Variants in USP25 observed in about 807,000 individuals in gnomAD.
The protein encoded by USP25 is ubiquitin specific peptidase 25.
USP25 carries 85 observed loss-of-function variants against 158.5 expected under a neutral mutation model. The ratio of observed to expected loss-of-function variants is 0.54; its 90% CI spans 0.45 to 0.64. The LOEUF is 0.64. Ranked by LOEUF, USP25 falls within the 30% of genes least tolerant of loss-of-function variation. The pLI is 0.00. For missense variants in USP25, 1,242 were observed against 1,327.3 expected (o/e 0.94, Z 1.00); for synonymous variants, 464 against 460.4 (o/e 1.01, Z -0.10).
chr21:15,730,548 TC>T, intron 1 of USP25, 110 bp downstream of exon 1: 1 of 1,195,414 alleles, frequency 8.4e-7, no homozygotes. Context: ...CCGGGCTTCC[TC>T]CCCGGTCACC....
At chr21:15,829,373 C>T (rs1218509892) in intron 14 of USP25, among the ~76,000 whole-genome samples, 1 of 152,128 alleles carries the variant, frequency 6.6e-6, no homozygotes, top group East Asian at 1.9e-4. Context: ...ATTTCTGGTT[C>T]AGAGTGTGTA....
intron 7 of USP25, among the ~76,000 whole-genome samples, chr21:15,808,058 G>A (rs1012628288): frequency 2.6e-5 from 4 of 152,086 alleles, no homozygotes; most frequent in African/African-American, 9.7e-5. Context: ...AGTTTGTTTT[G>A]TATTTGGGGC....
intron 12 of USP25, among the ~76,000 whole-genome samples, chr21:15,825,262 TC>T (rs1459536895): frequency 6.6e-6 from 1 of 152,240 alleles, no homozygotes; most frequent in African/African-American, 2.4e-5. Flanking sequence ...ATTAAATATC[TC>T]ATTGTCAACA....
intron 5 of USP25, among the ~76,000 whole-genome samples, chr21:15,793,189 A>T (rs1465697876): frequency 6.6e-6 from 1 of 151,678 alleles, no homozygotes; most frequent in Non-Finnish European, 1.5e-5. Context: ...AGGGTCATTG[A>T]TTAGAAGCTT....
In USP25 at chr21:15,874,080, T is replaced by C. The variant is rs570581350; in HGVS notation, c.2886-323T>C. On this transcript the variant is annotated intron_variant, in intron 23 of 25. Coordinates refer to ENST00000400183, the MANE Select transcript of USP25 (RefSeq NM_001283041.3). Reference sequence around the variant, plus strand: ...GTTGGCTTTCACATTAGCTCCAATTTTGAGTTTAAATGGAAGACATCAGGA... The same window carrying C: ...GTTGGCTTTCACATTAGCTCCAATTCTGAGTTTAAATGGAAGACATCAGGA... Among the ~76,000 whole-genome samples the C allele has an allele frequency of 4.6e-5, 7 of 152,318 alleles. No individual in the cohort carries two copies. The East Asian group carries it at 9.6e-4, about 21-fold the overall frequency.
In USP25 at chr21:15,831,517, T is replaced by G. The variant is rs2037802276; in HGVS notation, c.1881T>G (p.Ala627=). ...GATGGATGAAGTACAATGATATTGC[T>G]GTGACAAAATCATCATGGGAAGAGC... The part of the protein sequence containing the change: ...ESRWMKYNDI[A]VTKSSWEELV... Residue 627 remains alanine, a synonymous_variant, in exon 16 of 26, where the codon GCT becomes GCG. Transcript: ENST00000400183. 10 of 1,614,082 alleles carry G rather than the reference T, an allele frequency of 6.2e-6. No individual in the cohort carries two copies. Among genetic ancestry groups the G allele is most frequent in the Non-Finnish European group, 8.5e-6 (10 of 1,179,914 alleles).
intron 20 of USP25, among the ~76,000 whole-genome samples, chr21:15,863,108 TA>T (rs2039504277): frequency 6.6e-6 from 1 of 152,054 alleles, no homozygotes; most frequent in Admixed American, 6.5e-5. Context: ...TAAATGAATA[TA>T]AAAAGCTTTA....
intron 2 of USP25, among the ~76,000 whole-genome samples, chr21:15,763,238 C>A (rs1255399216): frequency 2.0e-5 from 3 of 151,990 alleles, no homozygotes; most frequent in Non-Finnish European, 4.4e-5. Flanking sequence ...GGATGTGAAT[C>A]CTAATTCTAA....
chr21:15,768,265 G>A (rs1482729324), intron 3 of USP25, among the ~76,000 whole-genome samples: 1 of 152,070 alleles, frequency 6.6e-6, no homozygotes. Flanking sequence ...AATTGAGATA[G>A]TGTGTCCATA....
At chr21:15,731,892 C>A (rs937425997) in intron 1 of USP25, among the ~76,000 whole-genome samples, 1 of 152,134 alleles carries the variant, frequency 6.6e-6, no homozygotes, top group Non-Finnish European at 1.5e-5. Context: ...ATGTATGGTA[C>A]CATTTGTTTA....
Position 15,849,866 on chromosome 21 carries a change from C to T in USP25, c.2541C>T (p.Phe847=). 6.6e-7 allele frequency: 1 copy of T among 1,508,650 alleles called. No homozygotes were observed. The highest frequency in any genetic ancestry group is 8.9e-7 in the Non-Finnish European group (1 of 1,127,964). The allele number at this position is 1,508,650 out of a possible 1,614,324, so 93.5% of individuals were successfully genotyped here. The change falls in exon 20 of 26, where the codon TTC becomes TTT. Residue 847 remains phenylalanine, a synonymous_variant. Transcript: ENST00000400183. The part of the protein sequence containing the change: ...VYDRCGPEAG[F]FKAIKLEYAR... ...ACAGGTGTGGCCCTGAAGCAGGGTT[C>T]TTTAAGGTACAATGAACATTTTCAT...
At chr21:15,868,522 C>T (rs1436798107) in intron 22 of USP25, among the ~76,000 whole-genome samples, 2 of 152,146 alleles carry the variant, frequency 1.3e-5, no homozygotes, top group African/African-American at 4.8e-5. Flanking sequence ...CATATTCTAA[C>T]TGCAGGGCTG....
chr21:15,767,214 A>C (rs999265453), intron 3 of USP25, among the ~76,000 whole-genome samples: 6 of 152,108 alleles, frequency 3.9e-5, no homozygotes, highest in Non-Finnish European at 8.8e-5. Flanking sequence ...GTGATAATAC[A>C]GAATGGCTTG....
In USP25 at chr21:15,857,146, T is replaced by A. The variant is rs561110836; in HGVS notation, c.2548-7122T>A. ...ATTTATTAAATTATCAGAACCAGTT[T>A]ATTCACTTATATGAGAAGTTATCTT... On this transcript the variant is annotated intron_variant, in intron 20 of 25. Transcript: ENST00000400183. 2.6e-5 allele frequency among the ~76,000 whole-genome samples: 4 copies of A among 152,348 alleles called. No individual in the cohort carries two copies. In the South Asian group the frequency reaches 8.3e-4, roughly 32 times the overall value.
intron 3 of USP25, among the ~76,000 whole-genome samples, chr21:15,768,535 G>C (rs929558039): frequency 6.6e-6 from 1 of 151,936 alleles, no homozygotes; most frequent in East Asian, 1.9e-4. Flanking sequence ...AAATGAAGTC[G>C]TGTATTTTTA....
chr21:15,874,311 A>G, intron 23 of USP25, 92 bp from the exon 24 acceptor site: 1 of 1,161,112 alleles, frequency 8.6e-7, no homozygotes. Flanking sequence ...ATCAAAACTT[A>G]AGCATATACT....
At chr21:15,860,972 ATAT>A (rs775123902) in intron 20 of USP25, among the ~76,000 whole-genome samples, 89 of 127,172 alleles carry the variant, frequency 7.0e-4, no homozygotes, top group Non-Finnish European at 1.4e-3. Flanking sequence ...ATATATATAT[ATAT>A]AGAGAGAGAG....
In USP25 at chr21:15,826,855, A is replaced by T; in HGVS notation, c.1467-122A>T. 1 of 848,776 alleles carries T rather than the reference A, an allele frequency of 1.2e-6. No individual in the cohort carries two copies. The highest frequency in any genetic ancestry group is 2.6e-5 in the East Asian group (1 of 38,192). The allele number at this position is 848,776 out of a possible 1,614,324, so 52.6% of individuals were successfully genotyped here. ...TCATTTGGATGTTAGATCAATCCAC[A>T]TATTTCTTTAAGATTTTTTCTTTTG... On this transcript the variant is annotated intron_variant, in intron 13 of 25. Transcript: ENST00000400183. The surrounding 1 kb of genome is among the most constrained non-coding windows in gnomAD (Gnocchi z 4.8).
intron 17 of USP25, among the ~76,000 whole-genome samples, chr21:15,833,976 C>G (rs938034314): frequency 6.6e-6 from 1 of 151,910 alleles, no homozygotes; most frequent in African/African-American, 2.4e-5. Flanking sequence ...ATAATACTAC[C>G]GGTATATTCA....
Sources: allele counts gnomAD v4.1 joint callset (sites outside exome capture counted in the v4.1 genomes callset), GRCh38; gene constraint gnomAD v4.1.1; non-coding constraint Gnocchi (gnomAD v3.1); transcripts MANE v1.5; gene names NCBI Gene and HGNC (gene_info 2026-07-23, HGNC 2026-07-21).